Variants in GRIP1 observed in about 807,000 individuals in gnomAD.
GRIP1 encodes glutamate receptor interacting protein 1.
Under a neutral mutation model 129.9 loss-of-function variants are expected in GRIP1, and 45 were observed. The observed-to-expected ratio is 0.35, with a 90% CI of 0.27 to 0.44. GRIP1 has a LOEUF of 0.44. GRIP1 is among the 20% of genes least tolerant of loss of function. The probability of loss-of-function intolerance (pLI) is 1.00; values close to 1 mark genes in which losing one functional copy is unlikely to be tolerated. For missense variants in GRIP1, 1,196 were observed against 1,396.8 expected (o/e 0.86, Z 2.29); for synonymous variants, 530 against 520.8 (o/e 1.02, Z -0.24).
chr12:66,452,766 A>T (rs2058844187), intron 11 of GRIP1, among the ~76,000 whole-genome samples: 1 of 152,214 alleles, frequency 6.6e-6, no homozygotes, highest in South Asian at 2.1e-4. Flanking sequence ...GTGGCAATAA[A>T]ACTTTTATTA....
chr12:66,357,748 G>T (rs937921077), intron 23 of GRIP1, among the ~76,000 whole-genome samples: 1 of 152,210 alleles, frequency 6.6e-6, no homozygotes, highest in Non-Finnish European at 1.5e-5. Context: ...AGGGCAGAAT[G>T]AATGAATGCT....
chr12:66,631,099 G>A (rs548401794), intron 1 of GRIP1, among the ~76,000 whole-genome samples: 7 of 152,066 alleles, frequency 4.6e-5, no homozygotes, highest in African/African-American at 1.7e-4. Flanking sequence ...CACCATGCCC[G>A]GCTAATTTTT....
At chr12:67,000,697 A>C (rs1209609467) in intron 1 of GRIP1, among the ~76,000 whole-genome samples, 2 of 152,230 alleles carry the variant, frequency 1.3e-5, no homozygotes, top group Non-Finnish European at 2.9e-5. Context: ...ACAGCAGACA[A>C]CCAGTGCAAA....
At chr12:66,655,074 T>C (rs534398283) in intron 1 of GRIP1, among the ~76,000 whole-genome samples, 1 of 152,352 alleles carries the variant, frequency 6.6e-6, no homozygotes, top group Non-Finnish European at 1.5e-5. Context: ...ATATCTTTTG[T>C]TAAAATTGTA....
intron 1 of GRIP1, among the ~76,000 whole-genome samples, chr12:66,638,146 T>G (rs2031579874): frequency 6.6e-6 from 1 of 152,230 alleles, no homozygotes; most frequent in Non-Finnish European, 1.5e-5. Context: ...AAAGCAGTTA[T>G]TTTTGTTATG....
At chr12:66,582,486 T>G (rs1209921686) in intron 2 of GRIP1, among the ~76,000 whole-genome samples, 1 of 149,148 alleles carries the variant, frequency 6.7e-6, no homozygotes, top group Non-Finnish European at 1.5e-5. Flanking sequence ...GCAGATGACA[T>G]GATTGTATAT....
chr12:66,457,359 C>T (rs2058998538), intron 9 of GRIP1, among the ~76,000 whole-genome samples: 2 of 152,240 alleles, frequency 1.3e-5, no homozygotes, highest in South Asian at 4.1e-4. Context: ...TCTTGAATTC[C>T]TGGGTTCAGG....
intron 1 of GRIP1, among the ~76,000 whole-genome samples, chr12:66,640,705 T>C (rs769580626): frequency 6.6e-6 from 1 of 152,028 alleles, no homozygotes; most frequent in Non-Finnish European, 1.5e-5. Context: ...CACACAAGCA[T>C]AAAAAAACTA....
At chr12:66,464,955 T>C (rs1381210179) in intron 8 of GRIP1, among the ~76,000 whole-genome samples, 1 of 72,142 alleles carries the variant, frequency 1.4e-5, no homozygotes, top group Non-Finnish European at 2.7e-5. Context: ...TCTTTCTTTC[T>C]TTTTTTTTTT....
chr12:66,926,820 T>C (rs1459090198), intron 1 of GRIP1, among the ~76,000 whole-genome samples: 2 of 152,148 alleles, frequency 1.3e-5, no homozygotes, highest in African/African-American at 2.4e-5. Flanking sequence ...TATAACTCTA[T>C]TAAAATAACA....
intron 1 of GRIP1, among the ~76,000 whole-genome samples, chr12:66,872,559 G>A (rs1030629056): frequency 4.0e-5 from 6 of 151,856 alleles, no homozygotes; most frequent in African/African-American, 7.3e-5. Flanking sequence ...CCAGGGATTC[G>A]TATCTACTAC....
intron 1 of GRIP1, among the ~76,000 whole-genome samples, chr12:66,774,275 G>A (rs2037911442): frequency 6.6e-6 from 1 of 152,104 alleles, no homozygotes; most frequent in African/African-American, 2.4e-5. Flanking sequence ...TCTGAGGGAG[G>A]CTCAAATGAG....
rs776865793 is a variant in GRIP1, at chr12:66,971,442, TAAG to T, written c.58+97605_58+97607del. 5.9e-5 allele frequency among the ~76,000 whole-genome samples: 9 copies of T among 152,306 alleles called. No homozygotes were observed. The South Asian group carries it at 1.2e-3, about 21-fold the overall frequency. On this transcript the variant is annotated intron_variant, in intron 1 of 1. Coordinates refer to the GRIP1 transcript ENST00000643019. ...ATTTATTGAGAATTCATGGCAAACT[TAAG>T]GAGAATAATAGCATGCTTGGGAAGA... is the stretch of plus-strand genomic sequence containing the variant.
At chr12:66,436,552 ATGG>A (rs2058310639) in intron 13 of GRIP1, among the ~76,000 whole-genome samples, 1 of 152,206 alleles carries the variant, frequency 6.6e-6, no homozygotes, top group African/African-American at 2.4e-5. Flanking sequence ...AATTATATGT[ATGG>A]TAAGGATTTT....
At chr12:67,057,305 C>A (rs542102670) in intron 1 of GRIP1, among the ~76,000 whole-genome samples, 1 of 152,042 alleles carries the variant, frequency 6.6e-6, no homozygotes, top group Non-Finnish European at 1.5e-5. Flanking sequence ...CCCCTCCCCG[C>A]TCTCTCTGCA....
intron 1 of GRIP1, among the ~76,000 whole-genome samples, chr12:66,957,825 T>C (rs1339695278): frequency 2.0e-5 from 3 of 152,196 alleles, no homozygotes; most frequent in Non-Finnish European, 4.4e-5. Flanking sequence ...CTTTCCATAC[T>C]CTACTCTTTG....
At chr12:66,681,367 C>T (rs1440674633), upstream of GRIP1, among the ~76,000 whole-genome samples, 1 of 152,130 alleles carries the variant, frequency 6.6e-6, no homozygotes, top group African/African-American at 2.4e-5. Context: ...CAAGCTTAGC[C>T]TCCCATCCTG....
At chr12:66,349,924 C>T (rs1470340977) in intron 24 of GRIP1, among the ~76,000 whole-genome samples, 2 of 152,014 alleles carry the variant, frequency 1.3e-5, no homozygotes, top group Non-Finnish European at 2.9e-5. Flanking sequence ...TTAAAATCAC[C>T]CACATGCCGG....
chr12:66,633,231 G>T (rs991825558), intron 1 of GRIP1, among the ~76,000 whole-genome samples: 8 of 146,032 alleles, frequency 5.5e-5, no homozygotes, highest in African/African-American at 2.0e-4. Context: ...ATATATATAT[G>T]AGTATTTTAT....
Sources: allele counts gnomAD v4.1 joint callset (sites outside exome capture counted in the v4.1 genomes callset), GRCh38; gene constraint gnomAD v4.1.1; transcripts MANE v1.5; gene names NCBI Gene and HGNC (gene_info 2026-07-23, HGNC 2026-07-21).